MIS18BP1: variants seen among roughly 807,000 people sequenced by gnomAD.
MIS18BP1 encodes MIS18 binding protein 1, also known as mis18-binding protein 1.
A neutral mutation model predicts 116.1 loss-of-function variants in MIS18BP1; 72 were observed. The observed-to-expected ratio is 0.62, with a 90% CI of 0.51 to 0.75. MIS18BP1 has a LOEUF of 0.75. Among genes scored for constraint, MIS18BP1 ranks in the 30% least tolerant of loss-of-function variants. The pLI is 0.00. For synonymous variants in MIS18BP1, 386 were observed against 427.0 expected (o/e 0.90, Z 1.18); for missense variants, 1,363 against 1,303.2 (o/e 1.05, Z -0.71).
At chr14:45,229,192 A>G (rs1891208904) in intron 8 of MIS18BP1, among the ~76,000 whole-genome samples, 1 of 152,140 alleles carries the variant, frequency 6.6e-6, no homozygotes, top group African/African-American at 2.4e-5. Context: ...TTAATAGACC[A>G]GGGTTCATGG....
At chr14:45,226,542 CT>C (rs1168312241) in intron 10 of MIS18BP1, among the ~76,000 whole-genome samples, 200 bp downstream of exon 10, 1 of 152,072 alleles carries the variant, frequency 6.6e-6, no homozygotes, top group Non-Finnish European at 1.5e-5. Flanking sequence ...GAAGGCAAAC[CT>C]GTAAGTATAG....
intron 4 of MIS18BP1, among the ~76,000 whole-genome samples, chr14:45,238,586 T>C (rs776748685): frequency 2.6e-5 from 4 of 152,110 alleles, no homozygotes; most frequent in African/African-American, 9.7e-5. Context: ...TCCCAGAACT[T>C]TGGGAGGCCA....
intron 4 of MIS18BP1, 110 bp downstream of exon 4, chr14:45,241,924 C>G: frequency 8.5e-7 from 1 of 1,174,276 alleles, no homozygotes; most frequent in Non-Finnish European, 1.2e-6. Context: ...ATGAAGCATA[C>G]AGGTTCAAAT....
At chr14:45,231,482 G>T in intron 7 of MIS18BP1, 184 bp from the exon 8 acceptor site, 1 of 497,234 alleles carries the variant, frequency 2.0e-6, no homozygotes, top group Non-Finnish European at 3.5e-6. Context: ...GAACTGAGGT[G>T]TAACATCTTA....
rs753323690 is a variant in MIS18BP1 at position 45,247,040 on chromosome 14, C to T, written c.247G>A (p.Ala83Thr). Reference sequence around the variant, plus strand: ...TCAAGAGAACTGTTAGAGGTAGTAGCCTCTGTTAGCATAGTTGATTGAAAT... The same window carrying T: ...TCAAGAGAACTGTTAGAGGTAGTAGTCTCTGTTAGCATAGTTGATTGAAAT... Reference protein sequence around the residue: ...NIFQSTMLTEATTSNSSLDIS... With the variant: ...NIFQSTMLTETTTSNSSLDIS... Residue 83 changes from alanine to threonine, a missense_variant, in exon 2 of 17, where the codon GCT (alanine) becomes ACT (threonine). Physicochemically the swap from Ala to Thr is moderately conservative, Grantham distance 58. Transcript: ENST00000310806. 6.2e-7 allele frequency: 1 copy of T among 1,613,362 alleles called. No individual in the cohort carries two copies. The highest frequency in any genetic ancestry group is 1.1e-5 in the South Asian group (1 of 90,996).
chr14:45,236,800 C>T (rs572197778), intron 5 of MIS18BP1, among the ~76,000 whole-genome samples: 55 of 152,226 alleles, frequency 3.6e-4, no homozygotes, highest in African/African-American at 1.3e-3. Flanking sequence ...ATCCATATTG[C>T]ACAAATGAAG....
At chr14:45,225,208 C>CACCT (rs1279130242) in intron 10 of MIS18BP1, among the ~76,000 whole-genome samples, 1 of 152,034 alleles carries the variant, frequency 6.6e-6, no homozygotes, top group African/African-American at 2.4e-5. Flanking sequence ...TTCTCTAACC[C>CACCT]ACCTAGTGTA....
At chr14:45,246,651 T>C in intron 2 of MIS18BP1, 92 bp downstream of exon 2, 2 of 1,192,226 alleles carry the variant, frequency 1.7e-6, no homozygotes, top group Non-Finnish European at 2.3e-6. Context: ...TTGTCCATTT[T>C]GTTCACTGCT....
intron 13 of MIS18BP1, among the ~76,000 whole-genome samples, chr14:45,213,079 C>T (rs74681418): frequency 0.027 from 4,117 of 152,202 alleles, 107 homozygotes; most frequent in African/African-American, 0.068. Flanking sequence ...TATTATTTAA[C>T]AAAAAATGGA....
rs1279581268 is a variant in MIS18BP1, at chr14:45,224,417, G to A, written c.2170C>T (p.Arg724Trp). The A allele has an allele frequency of 3.7e-6, 6 of 1,613,528 alleles. No individual in the cohort carries two copies. The highest frequency in any genetic ancestry group is 4.5e-5 in the East Asian group (2 of 44,872). ...TCAAGGTTAGATATTTTTATTTTCC[G>A]GTTGACAGTAAGTAAGTCACGTTCA... ...CDERDLLTVN[R>W]KIKISNLEKE... The change falls in exon 11 of 17, where the codon CGG becomes TGG. Residue 724 changes from arginine to tryptophan, a missense_variant. Coordinates refer to ENST00000310806, the MANE Select transcript of MIS18BP1 (RefSeq NM_018353.5).
rs150621315 is a variant in MIS18BP1, at chr14:45,207,207, T to C, written c.3153-1037A>G. 1.3e-5 allele frequency among the ~76,000 whole-genome samples: 2 copies of C among 152,294 alleles called. 1 individual carries two copies. Among genetic ancestry groups the C allele is most frequent in the East Asian group, 3.9e-4 (2 of 5,178 alleles). On this transcript the variant is annotated intron_variant, in intron 14 of 16. Coordinates refer to ENST00000310806, the MANE Select transcript of MIS18BP1 (RefSeq NM_018353.5). The stretch of plus-strand genomic sequence containing the variant: ...CAGCTGAACATCCATTTCCATACTC[T>C]CTCTTGGCTCTAAGATCTTACATAC...
At chr14:45,208,290 A>G (rs150283235) in intron 14 of MIS18BP1, among the ~76,000 whole-genome samples, 1 of 151,262 alleles carries the variant, frequency 6.6e-6, no homozygotes, top group East Asian at 1.9e-4. Flanking sequence ...ATATTTCCTT[A>G]AAGTGTCTAA....
At chr14:45,212,522 T>TAA (rs2061744324) in intron 13 of MIS18BP1, among the ~76,000 whole-genome samples, 2 of 152,178 alleles carry the variant, frequency 1.3e-5, no homozygotes, top group South Asian at 4.1e-4. Context: ...ACTGTGTCTC[T>TAA]AAAATAATAC....
At chr14:45,217,213 T>G (rs1175229248) in intron 12 of MIS18BP1, 34 bp from the exon 13 acceptor site, 1 of 1,603,146 alleles carries the variant, frequency 6.2e-7, no homozygotes, top group Non-Finnish European at 8.5e-7. Flanking sequence ...GATAAGGATT[T>G]GGTTATTTAT....
At chr14:45,236,161 C>G (rs1891424372) in intron 5 of MIS18BP1, among the ~76,000 whole-genome samples, 1 of 152,218 alleles carries the variant, frequency 6.6e-6, no homozygotes, top group African/African-American at 2.4e-5. Flanking sequence ...AACCATGTCC[C>G]TCCTACAAAA....
rs3036381 is a variant in MIS18BP1 at position 45,248,055 on chromosome 14, GTTTTTT to G, written c.-91-684_-91-679del. Among the ~76,000 whole-genome samples, 5 of 109,240 alleles carry G rather than the reference GTTTTTT, an allele frequency of 4.6e-5. 1 individual carries two copies. In the Admixed American group the frequency reaches 4.9e-4, roughly 11 times the overall value. The allele number at this position is 109,240 out of a possible 152,430, so 71.7% of individuals were successfully genotyped here. A position where few individuals can be genotyped will look rare whatever the true frequency, so the allele number is the denominator to read the frequency against. ...ACGTAGTTTTAGTCTTGTTTCTTTC[GTTTTTT>G]TTTTTTTTTTTTCTTTTTTTGGAGA... On this transcript the variant is annotated intron_variant, in intron 1 of 16. Transcript: ENST00000310806.
Position 45,210,529 on chromosome 14 carries a change from C to CG in MIS18BP1, c.3004-2_3004-1insC. ...CTTCACTGTCCTGGAAACTTGGCAA[C>CG]TAGAAAACAAGTATTTATTATCAGC... On this transcript the variant is annotated splice_acceptor_variant, in intron 13 of 16. Coordinates refer to ENST00000310806, the MANE Select transcript of MIS18BP1 (RefSeq NM_018353.5). LOFTEE classifies it high-confidence loss of function. The CG allele has an allele frequency of 6.2e-7, 1 of 1,613,626 alleles. No homozygotes were observed.
intron 5 of MIS18BP1, among the ~76,000 whole-genome samples, chr14:45,236,768 T>C (rs1225880234): frequency 6.6e-6 from 1 of 152,166 alleles, no homozygotes; most frequent in African/African-American, 2.4e-5. Flanking sequence ...TCAGCACAAC[T>C]AACTAGGTAA....
intron 4 of MIS18BP1, 34 bp from the exon 5 acceptor site, chr14:45,237,755 G>A (rs374485571): frequency 6.4e-7 from 1 of 1,556,472 alleles, no homozygotes; most frequent in South Asian, 1.2e-5. Context: ...CATATTTCCT[G>A]TATTACTTGC....
Sources: allele counts gnomAD v4.1 joint callset (sites outside exome capture counted in the v4.1 genomes callset), GRCh38; gene constraint gnomAD v4.1.1; transcripts MANE v1.5; gene names NCBI Gene and HGNC (gene_info 2026-07-23, HGNC 2026-07-21).